The following NEDD4 variants were observed in gnomAD, a reference collection of about 807,000 sequenced individuals.
The protein encoded by NEDD4 is E3 ubiquitin-protein ligase NEDD4.
A neutral mutation model predicts 144.9 loss-of-function variants in NEDD4; 99 were observed. The ratio of observed to expected loss-of-function variants is 0.68; its 90% CI spans 0.58 to 0.81. The LOEUF is 0.81. Among genes scored for constraint, NEDD4 ranks in the 30% least tolerant of loss-of-function variants. NEDD4 has a pLI of 0.00. For synonymous variants in NEDD4, 318 were observed against 350.6 expected, an observed-to-expected ratio of 0.91 and a Z score of 1.04; for missense variants, 985 against 1,065.9, an observed-to-expected ratio of 0.92 and a Z score of 1.06.
intron 5 of NEDD4, among the ~76,000 whole-genome samples, chr15:55,887,656 C>A (rs2035436815): frequency 6.6e-6 from 1 of 152,094 alleles, no homozygotes; most frequent in African/African-American, 2.4e-5. Flanking sequence ...TACTCAGAGA[C>A]CAAAACCAAA....
chr15:55,984,229 T>C (rs1440904414), intron 1 of NEDD4, among the ~76,000 whole-genome samples: 1 of 152,226 alleles, frequency 6.6e-6, no homozygotes, highest in African/African-American at 2.4e-5. Context: ...ATCATATTCC[T>C]GAGAAAAAGT....
At chr15:55,943,673 G>A (rs1194825662) in intron 4 of NEDD4, among the ~76,000 whole-genome samples, 5 of 152,214 alleles carry the variant, frequency 3.3e-5, no homozygotes, top group African/African-American at 1.2e-4. Context: ...TGCAGGGGCA[G>A]AGCCCTCATG....
chr15:55,919,544 C>T (rs2036530282), intron 5 of NEDD4, among the ~76,000 whole-genome samples: 1 of 152,134 alleles, frequency 6.6e-6, no homozygotes, highest in Non-Finnish European at 1.5e-5. Context: ...ATAGCAGTTA[C>T]ATGGGAAATC....
intron 5 of NEDD4, among the ~76,000 whole-genome samples, chr15:55,903,708 C>G (rs1187392208): frequency 6.6e-6 from 1 of 151,412 alleles, no homozygotes; most frequent in African/African-American, 2.4e-5. Context: ...GCCTGTAGTC[C>G]CAGCTACTCG....
intron 5 of NEDD4, among the ~76,000 whole-genome samples, chr15:55,882,095 C>G (rs2035215087): frequency 6.6e-6 from 1 of 152,154 alleles, no homozygotes; most frequent in Admixed American, 6.5e-5. Flanking sequence ...TTAAAAGTAA[C>G]AGCTTTTAGG....
At chr15:55,907,367 AATCAT>A (rs1346305147) in intron 5 of NEDD4, among the ~76,000 whole-genome samples, 1 of 152,172 alleles carries the variant, frequency 6.6e-6, no homozygotes, top group Non-Finnish European at 1.5e-5. Context: ...AAAGTAATTA[AATCAT>A]ATGGGCAATC....
intron 5 of NEDD4, among the ~76,000 whole-genome samples, chr15:55,912,196 C>T (rs1290438718): frequency 2.6e-5 from 4 of 152,118 alleles, no homozygotes; most frequent in South Asian, 2.1e-4. Context: ...TTAACCAAAT[C>T]TCTCTAAATA....
chr15:55,902,418 T>G (rs1008069459), intron 5 of NEDD4, among the ~76,000 whole-genome samples: 5 of 152,180 alleles, frequency 3.3e-5, no homozygotes, highest in Non-Finnish European at 7.3e-5. Context: ...GGTGGCTTTA[T>G]ATATGTAAAA....
intron 5 of NEDD4, among the ~76,000 whole-genome samples, chr15:55,906,146 G>A (rs1595825985): frequency 6.6e-6 from 1 of 152,188 alleles, no homozygotes; most frequent in Non-Finnish European, 1.5e-5. Context: ...GTGCTGGAGA[G>A]GATGTGGAGA....
chr15:55,903,616 A>G (rs1470870699), intron 5 of NEDD4, among the ~76,000 whole-genome samples: 1 of 151,648 alleles, frequency 6.6e-6, no homozygotes, highest in Non-Finnish European at 1.5e-5. Flanking sequence ...CGAGGTCAGG[A>G]GATCGAGACC....
At position 55,832,937 on chromosome 15, in the gene NEDD4, C is replaced by G; in HGVS notation, c.2527+71G>C. ...AGTGTTAGTAAATGATGGAAGCTTG[C>G]GGATTCGTCAGCCATGAAAAAGACA... On this transcript the variant is annotated intron_variant, in intron 27 of 28. Transcript: ENST00000435532. 6 of 1,013,310 alleles carry G rather than the reference C, an allele frequency of 5.9e-6. No individual in the cohort carries two copies. In the South Asian group the frequency reaches 9.0e-5, roughly 15 times the overall value. The allele number at this position is 1,013,310 out of a possible 1,614,324, so 62.8% of individuals were successfully genotyped here. A position where few individuals can be genotyped will look rare whatever the true frequency, so the allele number is the denominator to read the frequency against.
Position 55,869,811 on chromosome 15 carries a change from G to A in NEDD4, c.405-130C>T, listed in dbSNP as rs958540374. The A allele has an allele frequency of 1.5e-5, 8 of 538,498 alleles. No homozygotes were observed. In the East Asian group the frequency reaches 2.0e-4, roughly 13 times the overall value. 33.4% of individuals were successfully genotyped at this position (538,498 alleles called of 1,614,324 possible). A position where few individuals can be genotyped will look rare whatever the true frequency, so the allele number is the denominator to read the frequency against. ...AGGGAGGTTCAAAGACAAGTTCCAGGGCAGAAGATATCTAGGGAAAGGAAT... is the reference window on the plus strand; with the variant it reads ...AGGGAGGTTCAAAGACAAGTTCCAGAGCAGAAGATATCTAGGGAAAGGAAT... On this transcript the variant is annotated intron_variant, in intron 7 of 28. Coordinates refer to ENST00000435532, the MANE Select transcript of NEDD4 (RefSeq NM_006154.4).
intron 4 of NEDD4, among the ~76,000 whole-genome samples, chr15:55,932,577 G>C (rs144719426): frequency 0.14 from 20,761 of 152,006 alleles, 1,530 homozygotes; most frequent in East Asian, 0.32. Context: ...TAGAAGAAAA[G>C]CTAGGCAATA....
At chr15:55,840,053 T>C (rs1367878749) in intron 21 of NEDD4, among the ~76,000 whole-genome samples, 2 of 103,542 alleles carry the variant, frequency 1.9e-5, no homozygotes, top group African/African-American at 3.9e-5. Flanking sequence ...ACATTCATCA[T>C]AAAAGATCAT....
At chr15:55,961,208 T>C (rs2037420395) in intron 2 of NEDD4, among the ~76,000 whole-genome samples, 1 of 152,076 alleles carries the variant, frequency 6.6e-6, no homozygotes, top group African/African-American at 2.4e-5. Flanking sequence ...AGAATACCCA[T>C]GAAAGGCACA....
intron 1 of NEDD4, among the ~76,000 whole-genome samples, chr15:55,971,425 G>C (rs2037606167): frequency 6.6e-6 from 1 of 152,152 alleles, no homozygotes; most frequent in East Asian, 1.9e-4. Flanking sequence ...AGGAGTTCGA[G>C]ACTAGTCTGT....
chr15:55,835,438 T>TC (rs1447670402), intron 24 of NEDD4, among the ~76,000 whole-genome samples: 3 of 139,554 alleles, frequency 2.1e-5, no homozygotes, highest in South Asian at 2.6e-4. Flanking sequence ...TTTTTTTTTT[T>TC]TCCCATGCCC....
intron 4 of NEDD4, among the ~76,000 whole-genome samples, chr15:55,945,766 T>C (rs1291099464): frequency 7.0e-6 from 1 of 143,136 alleles, no homozygotes; most frequent in Non-Finnish European, 1.6e-5. Flanking sequence ...CAGAGAAAGG[T>C]GAGGTTACCC....
At position 55,848,364 on chromosome 15, in the gene NEDD4, A is replaced by G. The variant is rs111454667; in HGVS notation, c.1542+8T>C. ...GTCCCATCAGAGCACACTGGCAGAGAGACTTACTGGTCCAGTTATTGCTAC... is the reference window on the plus strand; with the variant it reads ...GTCCCATCAGAGCACACTGGCAGAGGGACTTACTGGTCCAGTTATTGCTAC... On this transcript the variant is annotated splice_region_variant and intron_variant, in intron 17 of 28. Transcript: ENST00000435532. The G allele has an allele frequency of 3.1e-6, 5 of 1,613,778 alleles. No homozygotes were observed.
Sources: gnomAD v4.1 joint callset for allele counts (sites outside exome capture counted in the v4.1 genomes callset) on GRCh38, gnomAD v4.1.1 for gene constraint, MANE v1.5 for transcripts, NCBI Gene and HGNC (gene_info 2026-07-23, HGNC 2026-07-21) for gene names.